ARHGAP18: variants seen among roughly 807,000 people sequenced by gnomAD.
The protein encoded by ARHGAP18 is Rho GTPase activating protein 18.
A neutral mutation model predicts 86.2 loss-of-function variants in ARHGAP18; 67 were observed. That is an observed-to-expected ratio of 0.78 (90% confidence interval 0.64 to 0.95). The LOEUF is 0.95. ARHGAP18 is among the 40% of genes least tolerant of loss of function. The pLI is 0.00. For missense variants in ARHGAP18, 691 were observed against 780.4 expected (o/e 0.89, Z 1.37); for synonymous variants, 283 against 280.4 (o/e 1.01, Z -0.09).
chr6:129,632,994 T>C (rs886757678), intron 4 of ARHGAP18, among the ~76,000 whole-genome samples: 3 of 152,200 alleles, frequency 2.0e-5, no homozygotes, highest in Admixed American at 2.0e-4. Flanking sequence ...TTAAATCACC[T>C]TTGTTTTAGT....
intron 1 of ARHGAP18, among the ~76,000 whole-genome samples, chr6:129,656,962 T>A (rs2114515039): frequency 6.6e-6 from 1 of 152,322 alleles, no homozygotes; most frequent in Non-Finnish European, 1.5e-5. Flanking sequence ...AAAAGCAATG[T>A]CTTATAAATA....
Position 129,577,097 on chromosome 6 carries a change from AT to A in ARHGAP18, c.*1415del, listed in dbSNP as rs1390481206. 3.3e-5 allele frequency: 5 copies of A among 152,204 alleles called. No individual in the cohort carries two copies. The highest frequency in any genetic ancestry group is 1.2e-4 in the African/African-American group (5 of 41,464). 9.4% of individuals were successfully genotyped at this position (152,204 alleles called of 1,614,324 possible). Reference sequence around the variant, plus strand: ...AAAGTAATGATTCCAAGAGAAGATAATTTAGAAAAAGGCATTTAATTACAAA... The same window carrying A: ...AAAGTAATGATTCCAAGAGAAGATAATTAGAAAAAGGCATTTAATTACAAA... On this transcript the variant is annotated 3_prime_UTR_variant, in exon 15 of 15. Transcript: ENST00000368149.
chr6:129,680,370 C>T (rs1774304741), intron 1 of ARHGAP18, among the ~76,000 whole-genome samples: 1 of 152,176 alleles, frequency 6.6e-6, no homozygotes, highest in African/African-American at 2.4e-5. Flanking sequence ...TTCTCTACTC[C>T]TAAGTTATTT....
At chr6:129,625,422 A>ATATATTT (rs1789379528) in intron 5 of ARHGAP18, among the ~76,000 whole-genome samples, 1 of 60,610 alleles carries the variant, frequency 1.6e-5, no homozygotes, top group African/African-American at 7.9e-5. Context: ...TATATATAAT[A>ATATATTT]TATATTATAT....
intron 1 of ARHGAP18, among the ~76,000 whole-genome samples, chr6:129,681,293 G>A (rs946169763): frequency 3.3e-5 from 5 of 152,174 alleles, no homozygotes; most frequent in Non-Finnish European, 7.4e-5. Context: ...GGCCAGGCTC[G>A]TCTTGAACTC....
intron 13 of ARHGAP18, among the ~76,000 whole-genome samples, chr6:129,583,243 G>A (rs1788324159): frequency 6.6e-6 from 1 of 152,166 alleles, no homozygotes; most frequent in Admixed American, 6.5e-5. Flanking sequence ...AAATGAGGCT[G>A]GAGGAGGCAT....
intron 1 of ARHGAP18, among the ~76,000 whole-genome samples, chr6:129,655,584 A>G (rs1773819499): frequency 6.6e-6 from 1 of 152,108 alleles, no homozygotes; most frequent in South Asian, 2.1e-4. Context: ...TCAAAGACTT[A>G]GAACTTTTTC....
chr6:129,655,049 G>T (rs1354983938), intron 1 of ARHGAP18, among the ~76,000 whole-genome samples: 1 of 152,086 alleles, frequency 6.6e-6, no homozygotes, highest in Non-Finnish European at 1.5e-5. Context: ...GGCCGGGTGC[G>T]GTGGCTCACG....
At chr6:129,677,261 C>T (rs1407978456) in intron 1 of ARHGAP18, among the ~76,000 whole-genome samples, 1 of 152,056 alleles carries the variant, frequency 6.6e-6, no homozygotes, top group African/African-American at 2.4e-5. Flanking sequence ...GGTGCGGTGG[C>T]GGACGCCTGT....
At chr6:129,660,392 T>C (rs553888070) in intron 1 of ARHGAP18, among the ~76,000 whole-genome samples, 5 of 152,178 alleles carry the variant, frequency 3.3e-5, no homozygotes, top group South Asian at 4.2e-4. Context: ...GGTGACCAAT[T>C]AGATAAAGTA....
At chr6:129,689,098 A>C (rs890077536) in intron 1 of ARHGAP18, among the ~76,000 whole-genome samples, 4 of 152,066 alleles carry the variant, frequency 2.6e-5, no homozygotes, top group Non-Finnish European at 5.9e-5. Flanking sequence ...GCAAATCTGA[A>C]ATTTCTGGAG....
At chr6:129,622,846 C>CA (rs1789258420) in intron 5 of ARHGAP18, among the ~76,000 whole-genome samples, 1 of 151,548 alleles carries the variant, frequency 6.6e-6, no homozygotes, top group South Asian at 2.1e-4. Flanking sequence ...ACTAAAAATA[C>CA]AAAAACTAGC....
intron 4 of ARHGAP18, among the ~76,000 whole-genome samples, chr6:129,629,775 G>A (rs1319015864): frequency 2.6e-5 from 4 of 152,024 alleles, no homozygotes; most frequent in African/African-American, 9.7e-5. Flanking sequence ...TCCTCAAACT[G>A]GGTTCCAATT....
At chr6:129,602,050 T>C (rs905899938) in intron 10 of ARHGAP18, among the ~76,000 whole-genome samples, 8 of 152,108 alleles carry the variant, frequency 5.3e-5, no homozygotes, top group Non-Finnish European at 1.0e-4. Flanking sequence ...TGAAACTACC[T>C]TCTCCAAAAG....
At chr6:129,581,405 A>G (rs1788286527) in intron 13 of ARHGAP18, among the ~76,000 whole-genome samples, 1 of 152,194 alleles carries the variant, frequency 6.6e-6, no homozygotes, top group East Asian at 1.9e-4. Flanking sequence ...TAAATAATTT[A>G]ATCATTATTA....
intron 1 of ARHGAP18, among the ~76,000 whole-genome samples, chr6:129,708,188 C>A (rs959023645): frequency 1.3e-5 from 2 of 152,210 alleles, no homozygotes; most frequent in Non-Finnish European, 2.9e-5. Context: ...TCCCTGCCCT[C>A]AAACCAGGCT....
At position 129,628,337 on chromosome 6, in the gene ARHGAP18, G is replaced by A. The variant is rs1773087688; in HGVS notation, c.786+1016C>T. Among the ~76,000 whole-genome samples the A allele has an allele frequency of 2.0e-5, 3 of 152,250 alleles. No individual in the cohort carries two copies. The South Asian group carries it at 6.2e-4, about 32-fold the overall frequency. On this transcript the variant is annotated intron_variant, in intron 5 of 14. Coordinates refer to ENST00000368149, the MANE Select transcript of ARHGAP18 (RefSeq NM_033515.3). ...CTGTGTCAGCCAGTAAGTGTAGAAG[G>A]AATAATAGAATTTTAAAATAGCCAT...
intron 13 of ARHGAP18, 62 bp from the exon 14 acceptor site, chr6:129,580,193 T>A: frequency 7.0e-7 from 1 of 1,433,000 alleles, no homozygotes; most frequent in Non-Finnish European, 9.8e-7. Flanking sequence ...TAAATCACTT[T>A]AACGTGCTTG....
chr6:129,663,015 G>A (rs576838901), intron 1 of ARHGAP18, among the ~76,000 whole-genome samples: 35 of 152,222 alleles, frequency 2.3e-4, no homozygotes, highest in South Asian at 1.7e-3. Flanking sequence ...AGACTACCAG[G>A]CAGTTGTCAT....
Sources: allele counts gnomAD v4.1 joint callset (sites outside exome capture counted in the v4.1 genomes callset), GRCh38; gene constraint gnomAD v4.1.1; transcripts MANE v1.5; gene names NCBI Gene and HGNC (gene_info 2026-07-23, HGNC 2026-07-21).